Variants in RP1 observed in about 807,000 individuals in gnomAD.
The protein encoded by RP1 is oxygen-regulated protein 1.
RP1 carries 16 observed loss-of-function variants against 14.8 expected under a neutral mutation model. That is an observed-to-expected ratio of 1.08 (90% CI 0.73 to 1.65). The LOEUF is 1.65. RP1 is among the 40% of genes most tolerant of loss of function. The pLI, the probability that RP1 is intolerant of heterozygous loss-of-function variation, is 0.00. For synonymous variants in RP1, 876 were observed against 883.6 expected (o/e 0.99, Z 0.15); for missense variants, 2,631 against 2,535.0 (o/e 1.04, Z -0.81).
At chr8:54,670,675 A>T (rs1349558925) in intron 7 of RP1, among the ~76,000 whole-genome samples, 1 of 29,174 alleles carries the variant, frequency 3.4e-5, no homozygotes, top group Non-Finnish European at 1.0e-4. Context: ...ATGTTTTTAT[A>T]TATATATATA....
At chr8:54,776,577 C>T (rs1279053885) in intron 23 of RP1, among the ~76,000 whole-genome samples, 1 of 152,032 alleles carries the variant, frequency 6.6e-6, no homozygotes, top group East Asian at 1.9e-4. Flanking sequence ...CAAAAGATGA[C>T]TATAGTCAAA....
intron 1 of RP1, among the ~76,000 whole-genome samples, chr8:54,599,729 A>G: frequency 6.6e-6 from 1 of 152,216 alleles, no homozygotes; most frequent in East Asian, 1.9e-4. Flanking sequence ...TACTGGGGTT[A>G]CAGGCCACTG....
At chr8:54,671,026 G>T (rs1282772264) in intron 7 of RP1, among the ~76,000 whole-genome samples, 2 of 151,726 alleles carry the variant, frequency 1.3e-5, no homozygotes, top group Admixed American at 1.3e-4. Context: ...TGTATTGTAG[G>T]TCTAGTGGTA....
At chr8:54,656,067 A>G in intron 5 of RP1, 2 of 1,492,200 alleles carry the variant, frequency 1.3e-6, no homozygotes, top group Non-Finnish European at 1.8e-6. Context: ...TAAAAGTAAT[A>G]TTATTGTTAT....
chr8:54,825,422 C>A (rs1441049188), intron 24 of RP1, among the ~76,000 whole-genome samples: 1 of 152,078 alleles, frequency 6.6e-6, no homozygotes, highest in East Asian at 1.9e-4. Flanking sequence ...ATTATTGTGT[C>A]TTTAGACATA....
intron 12 of RP1, among the ~76,000 whole-genome samples, chr8:54,697,907 C>G (rs2129342203): frequency 6.6e-6 from 1 of 152,312 alleles, no homozygotes; most frequent in Non-Finnish European, 1.5e-5. Flanking sequence ...GGATTAAAGA[C>G]TTAAACGTAA....
intron 1 of RP1, among the ~76,000 whole-genome samples, chr8:54,619,236 GT>G (rs984426284): frequency 6.6e-6 from 1 of 151,352 alleles, no homozygotes; most frequent in African/African-American, 2.4e-5. Context: ...ATCTTCAAAT[GT>G]TTTTTTTTCT....
intron 24 of RP1, among the ~76,000 whole-genome samples, chr8:54,836,905 T>C (rs1201501822): frequency 1.3e-5 from 2 of 152,210 alleles, no homozygotes; most frequent in Admixed American, 6.5e-5. Context: ...AAGAAAAATA[T>C]TGCTTATTCT....
rs540879122 is a variant in RP1 at position 54,765,223 on chromosome 8, G to T, written c.3249-4518G>T. On this transcript the variant is annotated intron_variant, in intron 22 of 22. Coordinates refer to the RP1 transcript ENST00000636932. ...GCTTAATTGCCTTGTGGCAACTCTAGCGGTTATTCCATGAAAATCAAACAT... is the reference window on the plus strand; with the variant it reads ...GCTTAATTGCCTTGTGGCAACTCTATCGGTTATTCCATGAAAATCAAACAT... Among the ~76,000 whole-genome samples, 9 of 152,360 alleles carry T rather than the reference G, an allele frequency of 5.9e-5. No homozygotes were observed. The East Asian group carries it at 1.7e-3, about 29-fold the overall frequency.
At chr8:54,707,216 G>A (rs567934213) in intron 15 of RP1, among the ~76,000 whole-genome samples, 5 of 152,242 alleles carry the variant, frequency 3.3e-5, no homozygotes, top group African/African-American at 1.2e-4. Context: ...TCGGCTCACA[G>A]CAGCTCAGGT....
Position 54,703,810 on chromosome 8 carries a change from C to T in RP1, c.1998+2148C>T, listed in dbSNP as rs376756558. Among the ~76,000 whole-genome samples, 6 of 152,334 alleles carry T rather than the reference C, an allele frequency of 3.9e-5. No individual in the cohort carries two copies. In the East Asian group the frequency reaches 1.2e-3, roughly 29 times the overall value. ...ACTTGCTACAGCTTCTCCATCAGTA[C>T]TTGCTGCTTTACCTTGCACTGTTAT... is the stretch of plus-strand genomic sequence containing the variant. On this transcript the variant is annotated intron_variant, in intron 14 of 22. Coordinates refer to the RP1 transcript ENST00000636932.
intron 15 of RP1, among the ~76,000 whole-genome samples, chr8:54,717,135 G>A (rs577440840): frequency 6.6e-6 from 1 of 152,132 alleles, no homozygotes; most frequent in Non-Finnish European, 1.5e-5. Flanking sequence ...CGTCCTCCAG[G>A]TTCTAGGAAT....
Position 54,627,059 on chromosome 8 carries a change from T to C in RP1, c.3177T>C (p.Ala1059=). 1 of 1,614,032 alleles carries C rather than the reference T, an allele frequency of 6.2e-7. No individual in the cohort carries two copies. The highest frequency in any genetic ancestry group is 8.5e-7 in the Non-Finnish European group (1 of 1,179,966). The change falls in exon 4 of 4, where the codon GCT becomes GCC. Residue 1059 remains alanine, a synonymous_variant. Coordinates refer to ENST00000220676, the MANE Select transcript of RP1 (RefSeq NM_006269.2). ...KKLVYQEINL[A]RKRQSVEAAI... ...TTGTTTACCAGGAAATAAACCTAGCTAGAAAAAGGCAAAGTGTAGAGGCTG... is the reference window on the plus strand; with the variant it reads ...TTGTTTACCAGGAAATAAACCTAGCCAGAAAAAGGCAAAGTGTAGAGGCTG...
At chr8:54,819,091 C>A (rs1273458157) in intron 24 of RP1, among the ~76,000 whole-genome samples, 2 of 151,886 alleles carry the variant, frequency 1.3e-5, no homozygotes, top group Non-Finnish European at 2.9e-5. Context: ...TTTTTAAGAC[C>A]AATAACTCTT....
intron 16 of RP1, among the ~76,000 whole-genome samples, chr8:54,720,902 C>T (rs1808520161): frequency 6.6e-6 from 1 of 152,118 alleles, no homozygotes; most frequent in Non-Finnish European, 1.5e-5. Flanking sequence ...AACACAAAGG[C>T]TAGTAAAGTA....
At chr8:54,790,320 G>A (rs1337073698) in intron 24 of RP1, among the ~76,000 whole-genome samples, 3 of 152,200 alleles carry the variant, frequency 2.0e-5, no homozygotes, top group South Asian at 4.1e-4. Flanking sequence ...AAAACTCCAG[G>A]CTGGGCTGAT....
chr8:54,866,047 C>G, intron 28 of RP1: 1 of 397,724 alleles, frequency 2.5e-6, no homozygotes, highest in Non-Finnish European at 4.4e-6. Context: ...GAGCTGAAGG[C>G]CTTCTCTCCT....
chr8:54,597,671 T>C (rs1805179505), intron 1 of RP1, among the ~76,000 whole-genome samples: 1 of 152,200 alleles, frequency 6.6e-6, no homozygotes, highest in Non-Finnish European at 1.5e-5. Context: ...AGAAGCAATG[T>C]ACTGATATAT....
intron 25 of RP1, among the ~76,000 whole-genome samples, chr8:54,841,793 C>T (rs1005208214): frequency 2.0e-5 from 3 of 152,148 alleles, no homozygotes; most frequent in African/African-American, 7.2e-5. Flanking sequence ...CAGCTCGAGG[C>T]GGCCTTGCCA....
Sources: gnomAD v4.1 joint callset for allele counts (sites outside exome capture counted in the v4.1 genomes callset) on GRCh38, gnomAD v4.1.1 for gene constraint, MANE v1.5 for transcripts, NCBI Gene and HGNC (gene_info 2026-07-23, HGNC 2026-07-21) for gene names.